SAE1: variants seen among roughly 807,000 people sequenced by gnomAD.
SAE1 encodes the protein SUMO-activating enzyme subunit 1.
SAE1 carries 11 observed loss-of-function variants against 40.6 expected under a neutral mutation model. The observed-to-expected ratio is 0.27, with a 90% CI of 0.17 to 0.45. SAE1 has a LOEUF of 0.45. Among genes scored for constraint, SAE1 ranks in the 20% least tolerant of loss-of-function variants. The pLI is 1.00. For missense variants in SAE1, 373 were observed against 427.3 expected (o/e 0.87, Z 1.12); for synonymous variants, 155 against 154.3 (o/e 1.00, Z -0.03).
intron 7 of SAE1, among the ~76,000 whole-genome samples, chr19:47,199,189 A>G (rs2058635982): frequency 6.6e-6 from 1 of 152,046 alleles, no homozygotes; most frequent in Non-Finnish European, 1.5e-5. Flanking sequence ...GATTGAGACC[A>G]TCGTGGCTAA....
chr19:47,151,747 T>C (rs905549724), intron 3 of SAE1, among the ~76,000 whole-genome samples: 1 of 152,240 alleles, frequency 6.6e-6, no homozygotes, highest in Non-Finnish European at 1.5e-5. Context: ...ACATAAGTCT[T>C]CATTTTCTTA....
chr19:47,160,723 G>A (rs1439121073), intron 5 of SAE1, among the ~76,000 whole-genome samples: 3 of 151,604 alleles, frequency 2.0e-5, no homozygotes, highest in Non-Finnish European at 4.4e-5. Flanking sequence ...TAGAAACGGG[G>A]TTTCACCATG....
At chr19:47,189,914 C>T (rs1322875323) in intron 6 of SAE1, among the ~76,000 whole-genome samples, 2 of 152,172 alleles carry the variant, frequency 1.3e-5, no homozygotes, top group South Asian at 4.1e-4. Context: ...CCCGTTATAG[C>T]GCTAACCTGA....
intron 8 of SAE1, 28 bp from the exon 9 acceptor site, chr19:47,209,131 T>C (rs1183019064): frequency 3.1e-6 from 5 of 1,611,210 alleles, no homozygotes; most frequent in Non-Finnish European, 4.2e-6. Flanking sequence ...GCACTTGAGC[T>C]AAACCCTCTT....
chr19:47,162,429 T>C (rs1317951166), intron 5 of SAE1, among the ~76,000 whole-genome samples: 1 of 152,222 alleles, frequency 6.6e-6, no homozygotes, highest in Non-Finnish European at 1.5e-5. Context: ...CTCAAGTGGT[T>C]TTATCAATTT....
At chr19:47,162,991 C>CA (rs903868546) in intron 5 of SAE1, among the ~76,000 whole-genome samples, 2 of 151,050 alleles carry the variant, frequency 1.3e-5, no homozygotes, top group African/African-American at 2.4e-5. Context: ...CACACTGTCT[C>CA]AAAAAAAAAT....
At chr19:47,175,458 T>G (rs1016121813) in intron 6 of SAE1, among the ~76,000 whole-genome samples, 1 of 152,094 alleles carries the variant, frequency 6.6e-6, no homozygotes, top group African/African-American at 2.4e-5. Flanking sequence ...ATCTGTAGTC[T>G]GGGCGCGGTG....
At chr19:47,176,632 G>T (rs1300506620) in intron 6 of SAE1, among the ~76,000 whole-genome samples, 2 of 152,100 alleles carry the variant, frequency 1.3e-5, no homozygotes, top group African/African-American at 4.8e-5. Flanking sequence ...TGTTGCCCTG[G>T]GCTCTCACTC....
intron 6 of SAE1, among the ~76,000 whole-genome samples, chr19:47,183,712 TAAAGCCTC>T (rs2058525496): frequency 6.6e-6 from 1 of 152,236 alleles, no homozygotes; most frequent in African/African-American, 2.4e-5. Flanking sequence ...AATTCTTGTT[TAAAGCCTC>T]ACATCTTTTC....
chr19:47,202,883 C>G (rs1236237232), intron 7 of SAE1, among the ~76,000 whole-genome samples: 2 of 152,140 alleles, frequency 1.3e-5, no homozygotes, highest in African/African-American at 4.8e-5. Flanking sequence ...GCACTCCAGC[C>G]TGGGTGACAG....
intron 1 of SAE1, among the ~76,000 whole-genome samples, chr19:47,141,155 C>G (rs2058219371): frequency 6.6e-6 from 1 of 152,180 alleles, no homozygotes; most frequent in African/African-American, 2.4e-5. Flanking sequence ...GCGCCTGCCA[C>G]CACGCCTGGC....
At position 47,196,633 on chromosome 19, in the gene SAE1, G is replaced by T. The variant is rs141987796; in HGVS notation, c.734-600G>T. ...TGCCTCGGCCTCCCAAAGTGCTGGG[G>T]TTACAGCTGTGAGCCACCGCACCCG... On this transcript the variant is annotated intron_variant, in intron 6 of 8. Coordinates refer to ENST00000270225, the MANE Select transcript of SAE1 (RefSeq NM_005500.3). 3.7e-3 allele frequency among the ~76,000 whole-genome samples: 560 copies of T among 150,074 alleles called. 4 individuals are homozygous for T. Among genetic ancestry groups the T allele is most frequent in the African/African-American group, 0.013 (533 of 40,960 alleles).
intron 6 of SAE1, among the ~76,000 whole-genome samples, chr19:47,188,149 G>T (rs1456896085): frequency 2.0e-5 from 3 of 151,844 alleles, no homozygotes; most frequent in Non-Finnish European, 2.9e-5. Flanking sequence ...AGGAGTTTGA[G>T]ACCAGCCTGG....
intron 5 of SAE1, among the ~76,000 whole-genome samples, chr19:47,160,196 A>G (rs972067343): frequency 6.8e-6 from 1 of 148,118 alleles, no homozygotes; most frequent in South Asian, 2.1e-4. Flanking sequence ...CTCAGGCCAG[A>G]GAGGTTCAAA....
At chr19:47,152,496 A>G (rs1465747424) in intron 3 of SAE1, among the ~76,000 whole-genome samples, 1 of 152,236 alleles carries the variant, frequency 6.6e-6, no homozygotes, top group Admixed American at 6.5e-5. Flanking sequence ...CTTTGGGTCA[A>G]TTTAAAAAAC....
Position 47,197,212 on chromosome 19 carries a change from CCTT to C in SAE1, c.734-17_734-15del. On this transcript the variant is annotated intron_variant, in intron 6 of 8. Transcript: ENST00000270225. ...AAAAAAAAAGTGGCTTTATAACCTG[CCTT>C]CTTTTTCTTATTCCCAGTGCTCTTA... 1 of 1,581,548 alleles carries C rather than the reference CCTT, an allele frequency of 6.3e-7. No homozygotes were observed. The highest frequency in any genetic ancestry group is 8.6e-7 in the Non-Finnish European group (1 of 1,169,264).
At chr19:47,154,851 G>T (rs2123217023) in intron 4 of SAE1, among the ~76,000 whole-genome samples, 1 of 152,240 alleles carries the variant, frequency 6.6e-6, no homozygotes, top group South Asian at 2.1e-4. Flanking sequence ...TAATCACTTT[G>T]ATTTATTGAG....
rs532515249 is a variant in SAE1, at chr19:47,163,847, G to A, written c.628-5971G>A. ...ATTGCCCAGGCTGGAGCGCAGTGGC[G>A]TGATCTCCGTCTCCCAGGTTCAAGT... On this transcript the variant is annotated intron_variant, in intron 5 of 8. Transcript: ENST00000270225. Among the ~76,000 whole-genome samples the A allele has an allele frequency of 5.3e-5, 8 of 152,216 alleles. No individual in the cohort carries two copies. In the South Asian group the frequency reaches 1.4e-3, roughly 28 times the overall value.
In SAE1 at chr19:47,159,798, A is replaced by G. The variant is rs141176827; in HGVS notation, c.627+4585A>G. ...AGCCTCTGCCTCCTGGGTTCAAGCA[A>G]TTCTCCTGCCTCAGCTTCCGGAGTA... On this transcript the variant is annotated intron_variant, in intron 5 of 8. Coordinates refer to ENST00000270225, the MANE Select transcript of SAE1 (RefSeq NM_005500.3). Among the ~76,000 whole-genome samples, 594 of 152,136 alleles carry G rather than the reference A, an allele frequency of 3.9e-3. 5 individuals carry two copies. The highest frequency in any genetic ancestry group is 0.014 in the African/African-American group (565 of 41,488).
Sources: gnomAD v4.1 joint callset for allele counts (sites outside exome capture counted in the v4.1 genomes callset) on GRCh38, gnomAD v4.1.1 for gene constraint, MANE v1.5 for transcripts, NCBI Gene and HGNC (gene_info 2026-07-23, HGNC 2026-07-21) for gene names.